Variants in NKAIN2 observed in about 807,000 individuals in gnomAD.
NKAIN2 encodes sodium/potassium-transporting ATPase subunit beta-1-interacting protein 2.
Under a neutral mutation model 32.6 loss-of-function variants are expected in NKAIN2, and 14 were observed. That is an observed-to-expected ratio of 0.43 (90% CI 0.28 to 0.67). NKAIN2 has a LOEUF of 0.67. Among genes scored for constraint, NKAIN2 ranks in the 30% least tolerant of loss-of-function variants. The probability of loss-of-function intolerance (pLI) is 0.17; values close to 1 mark genes in which losing one functional copy is unlikely to be tolerated. For synonymous variants in NKAIN2, 80 were observed against 87.2 expected, an observed-to-expected ratio of 0.92 and a Z score of 0.46; for missense variants, 198 against 258.3, an observed-to-expected ratio of 0.77 and a Z score of 1.60.
chr6:124,167,478 ACTTC>A (rs1448933596), intron 1 of NKAIN2, among the ~76,000 whole-genome samples: 1 of 152,138 alleles, frequency 6.6e-6, no homozygotes, highest in Non-Finnish European at 1.5e-5. Context: ...GGACAATTTG[ACTTC>A]CTCTTTTCCT....
chr6:123,827,895 CTA>C (rs202131405), intron 1 of NKAIN2, among the ~76,000 whole-genome samples: 3,860 of 147,282 alleles, frequency 0.026, 90 homozygotes, highest in East Asian at 0.13. Context: ...CTCTCTCTCT[CTA>C]TATATATATA....
chr6:124,215,522 C>T (rs1791423658), intron 1 of NKAIN2, among the ~76,000 whole-genome samples: 1 of 152,114 alleles, frequency 6.6e-6, no homozygotes, highest in African/African-American at 2.4e-5. Context: ...TAGGGAAAAG[C>T]AGGAATAAAA....
chr6:124,244,857 T>G (rs1344255789), intron 1 of NKAIN2, among the ~76,000 whole-genome samples: 1 of 152,104 alleles, frequency 6.6e-6, no homozygotes, highest in Non-Finnish European at 1.5e-5. Flanking sequence ...AATACTAAAA[T>G]ATATTTTCAC....
chr6:124,485,772 T>C (rs1583321620), intron 3 of NKAIN2, among the ~76,000 whole-genome samples: 1 of 152,100 alleles, frequency 6.6e-6, no homozygotes, highest in Admixed American at 6.6e-5. Flanking sequence ...CAAATCCCCA[T>C]CTATAGAGTA....
chr6:124,485,715 A>G (rs999974835), intron 3 of NKAIN2, among the ~76,000 whole-genome samples: 5 of 152,046 alleles, frequency 3.3e-5, no homozygotes, highest in Non-Finnish European at 7.4e-5. Flanking sequence ...GAGCCCTTCT[A>G]ATAAAGCTCT....
intron 1 of NKAIN2, among the ~76,000 whole-genome samples, chr6:124,136,990 A>G (rs1381486789): frequency 6.6e-6 from 1 of 152,164 alleles, no homozygotes; most frequent in African/African-American, 2.4e-5. Context: ...TATTCAACAT[A>G]GTACTGTAAG....
intron 4 of NKAIN2, chr6:124,658,721 G>A (rs2114428144): frequency 2.2e-6 from 1 of 460,342 alleles, no homozygotes; most frequent in South Asian, 4.9e-5. Context: ...ACGTTCTACA[G>A]TACTCAAAAT....
At chr6:123,837,557 G>A (rs4897546) in intron 1 of NKAIN2, among the ~76,000 whole-genome samples, 110,956 of 151,454 alleles carry the variant, frequency 0.73, 40,799 homozygotes, top group Non-Finnish European at 0.77. Flanking sequence ...TTTCCCTTTT[G>A]TAACTGTTTG....
intron 1 of NKAIN2, among the ~76,000 whole-genome samples, chr6:124,050,878 A>G (rs1249990521): frequency 9.2e-5 from 14 of 152,080 alleles, no homozygotes; most frequent in African/African-American, 2.9e-4. Context: ...TATTGAATCA[A>G]TGAGTGATTT....
At chr6:123,892,187 A>C (rs79911794) in intron 1 of NKAIN2, among the ~76,000 whole-genome samples, 198 of 152,304 alleles carry the variant, frequency 1.3e-3, no homozygotes, top group Non-Finnish European at 2.1e-3. Flanking sequence ...TGCATTACAT[A>C]CTTGGCCCCA....
At chr6:124,431,618 C>T (rs1369676578) in intron 3 of NKAIN2, among the ~76,000 whole-genome samples, 1 of 152,084 alleles carries the variant, frequency 6.6e-6, no homozygotes, top group Admixed American at 6.6e-5. Context: ...AATTTTTCCT[C>T]CTTGGGATGA....
chr6:124,556,391 G>A (rs1300127635), intron 3 of NKAIN2, among the ~76,000 whole-genome samples: 1 of 152,196 alleles, frequency 6.6e-6, no homozygotes, highest in Non-Finnish European at 1.5e-5. Context: ...GGCACTTTTA[G>A]AGGTGATTAG....
intron 1 of NKAIN2, among the ~76,000 whole-genome samples, chr6:123,814,641 T>G (rs1773616472): frequency 6.6e-6 from 1 of 152,222 alleles, no homozygotes; most frequent in South Asian, 2.1e-4. Flanking sequence ...TACCTTAAAC[T>G]CATGTCATAT....
At chr6:124,360,342 T>C (rs916908475) in intron 3 of NKAIN2, among the ~76,000 whole-genome samples, 1 of 152,074 alleles carries the variant, frequency 6.6e-6, no homozygotes, top group Admixed American at 6.6e-5. Flanking sequence ...TCTTTTCTGC[T>C]TTTCCTAATG....
intron 1 of NKAIN2, among the ~76,000 whole-genome samples, chr6:123,813,145 T>C (rs1773548896): frequency 6.6e-6 from 1 of 152,216 alleles, no homozygotes; most frequent in Admixed American, 6.5e-5. Context: ...ACAAAAGTTA[T>C]AAGAACCTCT....
At chr6:124,759,588 AACACACACACACACACACACACACACAC>A (rs542448143) in intron 4 of NKAIN2, among the ~76,000 whole-genome samples, 2,113 of 84,532 alleles carry the variant, frequency 0.025, 53 homozygotes, top group African/African-American at 0.064. Context: ...CTGAAATTGC[AACACACACACACACACACACACACACAC>A]ACACACACAC....
chr6:124,423,672 G>A (rs541671716), intron 3 of NKAIN2, among the ~76,000 whole-genome samples: 1 of 152,244 alleles, frequency 6.6e-6, no homozygotes, highest in East Asian at 1.9e-4. Flanking sequence ...TGGGATTATG[G>A]CCCTTATAAA....
intron 1 of NKAIN2, among the ~76,000 whole-genome samples, chr6:123,925,184 G>T (rs1049311156): frequency 6.6e-6 from 1 of 152,074 alleles, no homozygotes; most frequent in African/African-American, 2.4e-5. Context: ...GTGTATATTT[G>T]TTAAATGAGT....
chr6:123,818,320 T>C (rs1773782123), intron 1 of NKAIN2, among the ~76,000 whole-genome samples: 1 of 151,386 alleles, frequency 6.6e-6, no homozygotes, highest in African/African-American at 2.4e-5. Context: ...AAATTATTTT[T>C]TAGACTCTAA....
Sources: allele counts gnomAD v4.1 joint callset (sites outside exome capture counted in the v4.1 genomes callset), GRCh38; gene constraint gnomAD v4.1.1; transcripts MANE v1.5; gene names NCBI Gene and HGNC (gene_info 2026-07-23, HGNC 2026-07-21).